Variants in IDE observed in about 807,000 individuals in gnomAD.
IDE encodes insulin-degrading enzyme.
IDE carries 58 observed loss-of-function variants against 133.2 expected under a neutral mutation model. The ratio of observed to expected loss-of-function variants is 0.44; its 90% confidence interval spans 0.35 to 0.54. The LOEUF (loss-of-function observed/expected upper bound fraction) is 0.54. IDE is among the 20% of genes least tolerant of loss of function. IDE has a pLI of 0.00. For synonymous variants in IDE, 396 were observed against 421.3 expected (o/e 0.94, Z 0.73); for missense variants, 981 against 1,234.0 (o/e 0.79, Z 3.07).
intron 15 of IDE, among the ~76,000 whole-genome samples, chr10:92,476,899 TGAGATGGAAGGCTTG>T (rs1278709937): frequency 6.6e-6 from 1 of 152,128 alleles, no homozygotes; most frequent in Non-Finnish European, 1.5e-5. Flanking sequence ...CTTGGAAAGC[TGAGATGGAAGGCTTG>T]CTTTAGCCCA....
chr10:92,520,490 G>C lies in IDE; in HGVS notation c.662-5448C>G, dbSNP rs80029985. Among the ~76,000 whole-genome samples, 747 of 152,266 alleles carry C rather than the reference G, an allele frequency of 4.9e-3. 8 individuals are homozygous for C. The highest frequency in any genetic ancestry group is 0.017 in the African/African-American group (710 of 41,546). On this transcript the variant is annotated intron_variant, in intron 4 of 24. Coordinates refer to ENST00000265986, the MANE Select transcript of IDE (RefSeq NM_004969.4). Reference sequence around the variant, plus strand: ...TATGTTCTCAGGGAAAGGTCAACTTGATAGTTATAACCCATTATAATTTTA... The same window carrying C: ...TATGTTCTCAGGGAAAGGTCAACTTCATAGTTATAACCCATTATAATTTTA...
At chr10:92,571,476 C>T (rs563468114) in intron 1 of IDE, among the ~76,000 whole-genome samples, 2 of 152,296 alleles carry the variant, frequency 1.3e-5, no homozygotes, top group Non-Finnish European at 2.9e-5. Flanking sequence ...TTTCCTAAGC[C>T]TATGGAACAG....
At chr10:92,479,646 C>T (rs967710800) in intron 14 of IDE, 5 of 416,912 alleles carry the variant, frequency 1.2e-5, no homozygotes, top group African/African-American at 2.0e-5. Context: ...TGCGTGTGTG[C>T]GTGCGCACTG....
intron 4 of IDE, among the ~76,000 whole-genome samples, chr10:92,521,676 C>G (rs758778740): frequency 7.9e-5 from 12 of 151,534 alleles, no homozygotes; most frequent in Non-Finnish European, 1.8e-4. Flanking sequence ...GAGATCCTGT[C>G]TCTACAAAAA....
rs1019582649 is a variant in IDE, at chr10:92,468,939, G to A, written c.2260C>T (p.His754Tyr). The A allele has an allele frequency of 1.1e-5, 18 of 1,613,372 alleles. 1 individual carries two copies. Among genetic ancestry groups the A allele is most frequent in the Non-Finnish European group, 1.4e-5 (17 of 1,179,288 alleles). Residue 754 changes from histidine to tyrosine, a missense_variant, in exon 19 of 25, where the codon CAT becomes TAT. His to Tyr is a moderately conservative substitution (Grantham distance 83). This residue lies in a region of IDE where 660 missense variants were observed against 894.7 expected (regional missense o/e 0.74). Coordinates refer to ENST00000265986, the MANE Select transcript of IDE (RefSeq NM_004969.4). ...MVEDTLIEHAHTKPLLPSQLV... is the reference protein window; with the variant it reads ...MVEDTLIEHAYTKPLLPSQLV... ...TGACTTGGAAGGAGAGGTTTGGTAT[G>A]AGCATGTTCAATGAGGGTGTCTTCA...
At chr10:92,556,938 A>C (rs1378057100) in intron 1 of IDE, among the ~76,000 whole-genome samples, 1 of 151,908 alleles carries the variant, frequency 6.6e-6, no homozygotes, top group Non-Finnish European at 1.5e-5. Flanking sequence ...AAAAAAAAAA[A>C]AACTTATGCA....
chr10:92,510,629 G>A (rs958814839), intron 5 of IDE, among the ~76,000 whole-genome samples: 1 of 150,276 alleles, frequency 6.7e-6, no homozygotes, highest in African/African-American at 2.5e-5. Context: ...ATGTGTGTGT[G>A]TATATATATA....
intron 4 of IDE, among the ~76,000 whole-genome samples, chr10:92,530,303 TG>T (rs1452409012): frequency 1.3e-5 from 2 of 151,796 alleles, no homozygotes; most frequent in South Asian, 2.1e-4. Flanking sequence ...AAAAAGTTGT[TG>T]TTTTTTTTTT....
rs76587725 is a variant in IDE at position 92,470,298 on chromosome 10, G to A, written c.2164C>T (p.Arg722Trp). The A allele has an allele frequency of 7.2e-5, 115 of 1,605,888 alleles. No individual in the cohort carries two copies. In the Middle Eastern group the frequency reaches 4.8e-3, roughly 67 times the overall value. ...LKAFIPQLLS[R>W]LHIEALLHGN... ...TGGAGAAGGGCTTCAATGTGCAGCC[G>A]TGACAGGAGCTGAGGTATGAAGGCC... is the stretch of plus-strand genomic sequence containing the variant. Residue 722 changes from arginine to tryptophan, a missense_variant, in exon 18 of 25, where the codon CGG (arginine) becomes TGG (tryptophan). Transcript: ENST00000265986.
chr10:92,524,246 G>A (rs778924585), intron 4 of IDE, among the ~76,000 whole-genome samples: 2 of 132,486 alleles, frequency 1.5e-5, no homozygotes, highest in African/African-American at 5.7e-5. Flanking sequence ...TGGAGGTTAC[G>A]GTAAGCTGAG....
intron 11 of IDE, among the ~76,000 whole-genome samples, chr10:92,503,651 T>C (rs1324202664): frequency 6.6e-6 from 1 of 152,090 alleles, no homozygotes; most frequent in African/African-American, 2.4e-5. Flanking sequence ...GCTTTGATAA[T>C]ATGTCTGGAA....
intron 1 of IDE, among the ~76,000 whole-genome samples, chr10:92,545,527 G>A (rs554202824): frequency 6.6e-6 from 1 of 152,334 alleles, no homozygotes; most frequent in South Asian, 2.1e-4. Flanking sequence ...AGAAAGGTGA[G>A]CAACCTCTGA....
At chr10:92,522,310 TC>T (rs1849269403) in intron 4 of IDE, among the ~76,000 whole-genome samples, 1 of 152,190 alleles carries the variant, frequency 6.6e-6, no homozygotes, top group Non-Finnish European at 1.5e-5. Context: ...ACTCATGTTC[TC>T]CAAAAGAAAC....
At chr10:92,494,796 T>C (rs535053832) in intron 11 of IDE, among the ~76,000 whole-genome samples, 1 of 152,280 alleles carries the variant, frequency 6.6e-6, no homozygotes, top group East Asian at 1.9e-4. Flanking sequence ...AAAGGCAATA[T>C]GGTTCCCAAA....
intron 5 of IDE, among the ~76,000 whole-genome samples, chr10:92,513,656 TATTA>T (rs1808678288): frequency 6.7e-6 from 1 of 149,580 alleles, no homozygotes; most frequent in African/African-American, 2.4e-5. Context: ...AATATACATA[TATTA>T]ATTAAAAATG....
chr10:92,555,552 T>C (rs993595070), intron 1 of IDE, among the ~76,000 whole-genome samples: 1 of 151,630 alleles, frequency 6.6e-6, no homozygotes, highest in African/African-American at 2.4e-5. Context: ...CAAATTACTG[T>C]AATTGGTTCA....
chr10:92,464,047 CCTGGGTCATTTTTAATCCTTCAA>C lies in IDE; in HGVS notation c.2489-67_2489-45del, dbSNP rs1465767683. On this transcript the variant is annotated intron_variant, in intron 20 of 24. Transcript: ENST00000265986. ...CCAGTCATGACCGTGGCATTTGAGA[CCTGGGTCATTTTTAATCCTTCAA>C]AAACTAACCTGTCTGAGCAAATAAA... The C allele has an allele frequency of 1.9e-6, 3 of 1,569,428 alleles. No individual in the cohort carries two copies. In the South Asian group the frequency reaches 3.5e-5, roughly 18 times the overall value.
At chr10:92,488,157 T>C in intron 12 of IDE, among the ~76,000 whole-genome samples, 1 of 152,006 alleles carries the variant, frequency 6.6e-6, no homozygotes, top group East Asian at 1.9e-4. Flanking sequence ...CAGGCTGGAA[T>C]GCAGCAGCGT....
At chr10:92,573,477 G>A (rs1589569770) in intron 1 of IDE, among the ~76,000 whole-genome samples, 3 of 152,352 alleles carry the variant, frequency 2.0e-5, no homozygotes, top group Admixed American at 6.5e-5. Flanking sequence ...CAGGGCTGAG[G>A]GCAAGGTGAG....
Sources: gnomAD v4.1 joint callset for allele counts (sites outside exome capture counted in the v4.1 genomes callset) on GRCh38, gnomAD v4.1.1 for gene constraint, gnomAD v4.1.1 regional missense constraint, MANE v1.5 for transcripts, NCBI Gene and HGNC (gene_info 2026-07-23, HGNC 2026-07-21) for gene names.